Variants in CUBN observed in about 807,000 individuals in gnomAD.
The protein encoded by CUBN is cubilin, also known as 460 kDa receptor.
Under a neutral mutation model 405.3 loss-of-function variants are expected in CUBN, and 282 were observed. That is an observed-to-expected ratio of 0.70 (90% confidence interval 0.63 to 0.77). CUBN has a LOEUF of 0.77. Ranked by LOEUF, CUBN falls within the 30% of genes least tolerant of loss-of-function variation. The pLI, the probability that CUBN is intolerant of heterozygous loss-of-function variation, is 0.00. For synonymous variants in CUBN, 1,684 were observed against 1,617.0 expected (o/e 1.04, Z -0.99); for missense variants, 4,514 against 4,475.2 (o/e 1.01, Z -0.25).
Position 16,920,138 on chromosome 10 carries a change from C to T in CUBN, c.6647-1G>A. 6.2e-7 allele frequency: 1 copy of T among 1,613,866 alleles called. No individual in the cohort carries two copies. Among genetic ancestry groups the T allele is most frequent in the Non-Finnish European group, 8.5e-7 (1 of 1,179,900 alleles). On this transcript the variant is annotated splice_acceptor_variant, in intron 43 of 66. Coordinates refer to ENST00000377833, the MANE Select transcript of CUBN (RefSeq NM_001081.4). LOFTEE classifies it high-confidence loss of function. ...TGGATGTAGACGTTGCCCCCACAGG[C>T]TGTGAGCAAACACACTTAAATCAGT...
At chr10:16,985,547 G>A (rs145957301) in intron 29 of CUBN, among the ~76,000 whole-genome samples, 2 of 152,330 alleles carry the variant, frequency 1.3e-5, no homozygotes, top group Non-Finnish European at 2.9e-5. Context: ...TCACTGAGCT[G>A]GTTAACACTT....
chr10:17,117,068 G>C (rs1318764034), intron 6 of CUBN, among the ~76,000 whole-genome samples: 1 of 152,030 alleles, frequency 6.6e-6, no homozygotes, highest in Non-Finnish European at 1.5e-5. Flanking sequence ...CTAAGATAAA[G>C]TCATAGGAAA....
At position 16,920,111 on chromosome 10, in the gene CUBN, C is replaced by T; in HGVS notation, c.6673G>A (p.Asp2225Asn). The change falls in exon 44 of 67, where the codon GAT becomes AAT. Residue 2225 changes from aspartate (D) to asparagine (N), a missense_variant. This residue lies in a region of CUBN where 1,613 missense variants were observed against 1,542.8 expected (regional missense o/e 1.05). Transcript: ENST00000377833. ...GTCACATACCCAGCAGAATCAGCAT[C>T]ATGGATGTAGACGTTGCCCCCACAG... ...LACGGNVYIH[D>N]ADSAGYVTSP... 6.2e-7 allele frequency: 1 copy of T among 1,613,968 alleles called. No individual in the cohort carries two copies. The highest frequency in any genetic ancestry group is 1.7e-5 in the Admixed American group (1 of 59,980).
rs141224890 is a variant in CUBN, at chr10:16,842,248, T to C, written c.9664-1201A>G. ...TTTTAGAGATGGGGTCTTCCTATGT[T>C]GTCCAGGCTAAACTTGCTTATTTCA... On this transcript the variant is annotated intron_variant, in intron 60 of 66. Coordinates refer to ENST00000377833, the MANE Select transcript of CUBN (RefSeq NM_001081.4). Among the ~76,000 whole-genome samples, 724 of 152,206 alleles carry C rather than the reference T, an allele frequency of 4.8e-3. 9 individuals are homozygous for C. The highest frequency in any genetic ancestry group is 0.016 in the African/African-American group (666 of 41,538).
At position 16,947,279 on chromosome 10, in the gene CUBN, C is replaced by T; in HGVS notation, c.5298G>A (p.Trp1766Ter). 1 of 1,614,066 alleles carries T rather than the reference C, an allele frequency of 6.2e-7. No homozygotes were observed. Among genetic ancestry groups the T allele is most frequent in the South Asian group, 1.1e-5 (1 of 91,082 alleles). ...DIYPPNVECV[W>*]NIVSSPGNRL... ...GGTTGCCAGGGGAACTGACGATGTT[C>T]CAGACACATTCCACATTAGGGGGAT... The change falls in exon 36 of 67, where the codon TGG becomes TGA. Residue 1766 changes from tryptophan to a stop codon, truncating the protein, a stop_gained. Transcript: ENST00000377833. LOFTEE classifies it high-confidence loss of function.
chr10:16,989,458 T>C (rs1012557785), intron 29 of CUBN, among the ~76,000 whole-genome samples: 1 of 148,274 alleles, frequency 6.7e-6, no homozygotes, highest in Non-Finnish European at 1.5e-5. Flanking sequence ...TATCTATATA[T>C]GTTATAAAAT....
At position 17,100,101 on chromosome 10, in the gene CUBN, G is replaced by A. The variant is rs748723927; in HGVS notation, c.1669C>T (p.Leu557Phe). ...RFCGSSLPHE[L>F]LSSDNALYFH... ...TAGAGAGCATTGTCACTGCTGAGGA[G>A]TTCATGAGGGAGGCTGGAGCCACAA... The change falls in exon 14 of 67, where the codon CTC (leucine) becomes TTC (phenylalanine). Residue 557 changes from leucine to phenylalanine, a missense_variant. This residue lies in a region of CUBN where 1,448 missense variants were observed against 1,388.0 expected (regional missense o/e 1.04). Transcript: ENST00000377833. 5 of 1,613,880 alleles carry A rather than the reference G, an allele frequency of 3.1e-6. No individual in the cohort carries two copies. In the South Asian group the frequency reaches 5.5e-5, roughly 18 times the overall value.
intron 66 of CUBN, among the ~76,000 whole-genome samples, chr10:16,826,981 T>C (rs1406306066): frequency 6.6e-6 from 1 of 152,208 alleles, no homozygotes; most frequent in African/African-American, 2.4e-5. Flanking sequence ...TAAGAGCTGA[T>C]TAGCTTCTAA....
intron 5 of CUBN, 56 bp downstream of exon 5, chr10:17,123,532 A>G: frequency 7.7e-7 from 1 of 1,306,792 alleles, no homozygotes; most frequent in Non-Finnish European, 1.1e-6. Context: ...GATGATTCCA[A>G]GGAAACCACA....
intron 29 of CUBN, among the ~76,000 whole-genome samples, chr10:16,987,548 T>A (rs945093544): frequency 2.0e-5 from 3 of 152,158 alleles, no homozygotes; most frequent in African/African-American, 7.2e-5. Flanking sequence ...CGGACTCTGA[T>A]TTTTCAAGGG....
intron 4 of CUBN, among the ~76,000 whole-genome samples, chr10:17,125,095 G>A (rs1837143839): frequency 1.3e-5 from 2 of 152,024 alleles, no homozygotes; most frequent in African/African-American, 4.8e-5. Flanking sequence ...GCCTCCTAAA[G>A]TGCTGGGATT....
At chr10:17,109,138 T>G (rs896053919) in intron 10 of CUBN, among the ~76,000 whole-genome samples, 2 of 152,236 alleles carry the variant, frequency 1.3e-5, no homozygotes. Flanking sequence ...GCAGTATATA[T>G]TTTGTTAAAT....
chr10:16,907,046 A>C (rs1841573507), intron 49 of CUBN, among the ~76,000 whole-genome samples: 2 of 152,234 alleles, frequency 1.3e-5, no homozygotes. Flanking sequence ...ATTTTGGAAT[A>C]TTCTATATCA....
In CUBN at chr10:16,904,053, C is replaced by T; in HGVS notation, c.7975G>A (p.Val2659Ile). 1 of 1,612,992 alleles carries T rather than the reference C, an allele frequency of 6.2e-7. No homozygotes were observed. Among genetic ancestry groups the T allele is most frequent in the Non-Finnish European group, 8.5e-7 (1 of 1,178,996 alleles). The change falls in exon 51 of 67, where the codon GTT becomes ATT. Residue 2659 changes from valine to isoleucine, a missense_variant. This residue lies in a region of CUBN where 25 missense variants were observed against 48.5 expected (regional missense o/e 0.52). Coordinates refer to ENST00000377833, the MANE Select transcript of CUBN (RefSeq NM_001081.4). ...CGPSKPTLPL[V>I]IPYSQVWIHF... is the part of the protein sequence containing the mutation. Reference sequence around the variant, plus strand: ...ATCCATACCTGAGAATAAGGTATAACCAATGGCAATGTAGGCTTTGAAGGA... The same window carrying T: ...ATCCATACCTGAGAATAAGGTATAATCAATGGCAATGTAGGCTTTGAAGGA...
intron 31 of CUBN, among the ~76,000 whole-genome samples, chr10:16,974,607 G>C (rs1003563297): frequency 6.6e-6 from 1 of 152,106 alleles, no homozygotes; most frequent in South Asian, 2.1e-4. Flanking sequence ...TCCTGACCTC[G>C]TGATCCCCCC....
chr10:17,022,364 G>A (rs1044753535), intron 27 of CUBN, among the ~76,000 whole-genome samples: 1 of 152,164 alleles, frequency 6.6e-6, no homozygotes, highest in African/African-American at 2.4e-5. Context: ...AATGAATAAA[G>A]ATGAGTTTTA....
chr10:17,107,598 C>T lies in CUBN; in HGVS notation c.1112-2023G>A, dbSNP rs925756372. ...CTGTAAGCTCCGCCTCCCGGGTTCA[C>T]GCCATTCTCCTGCCTCAGCCTCCCG... On this transcript the variant is annotated intron_variant, in intron 10 of 66. Transcript: ENST00000377833. Among the ~76,000 whole-genome samples the T allele has an allele frequency of 4.6e-5, 7 of 151,110 alleles. 1 individual carries two copies. Among genetic ancestry groups the T allele is most frequent in the African/African-American group, 1.2e-4 (5 of 41,038 alleles).
chr10:16,834,927 T>C (rs1839122837), intron 64 of CUBN, 87 bp downstream of exon 64: 3 of 1,205,136 alleles, frequency 2.5e-6, no homozygotes, highest in Non-Finnish European at 3.7e-6. Flanking sequence ...CATATAATAT[T>C]AGCAGCACTA....
Position 17,068,706 on chromosome 10 carries a change from G to A in CUBN, c.2690C>T (p.Ser897Leu). ...NKKYCGTDIP[S>L]FITSVYNFLY... ...AAAATTGTACACAGATGTTATAAAT[G>A]AAGGTATGTCTGTACCGCAATACTT... Residue 897 changes from serine to leucine, a missense_variant, in exon 20 of 67, where the codon TCA (serine) becomes TTA (leucine). Transcript: ENST00000377833. The A allele has an allele frequency of 6.2e-6, 10 of 1,611,766 alleles. No individual in the cohort carries two copies. The highest frequency in any genetic ancestry group is 8.5e-6 in the Non-Finnish European group (10 of 1,178,172).
Sources: gnomAD v4.1 joint callset for allele counts (sites outside exome capture counted in the v4.1 genomes callset) on GRCh38, gnomAD v4.1.1 for gene constraint, gnomAD v4.1.1 regional missense constraint, MANE v1.5 for transcripts, NCBI Gene and HGNC (gene_info 2026-07-23, HGNC 2026-07-21) for gene names.